ROBO2: variants seen among roughly 807,000 people sequenced by gnomAD.
ROBO2 encodes the protein roundabout homolog 2.
A neutral mutation model predicts 160.8 loss-of-function variants in ROBO2; 53 were observed. The ratio of observed to expected loss-of-function variants is 0.33; its 90% CI spans 0.26 to 0.41. ROBO2 has a LOEUF of 0.41. ROBO2 is among the 10% of genes least tolerant of loss of function. The pLI is 1.00. For missense variants in ROBO2, 1,577 were observed against 1,722.4 expected (o/e 0.92, Z 1.49); for synonymous variants, 664 against 611.7 (o/e 1.09, Z -1.26).
exon 4 of ROBO2, chr3:77,481,150 A>T: frequency 6.2e-7 from 1 of 1,611,626 alleles, no homozygotes; most frequent in Non-Finnish European, 8.5e-7. Context: ...TGATGCAGGG[A>T]TGTATACTTG....
chr3:76,600,251 C>A (rs537767406), intron 2 of ROBO2, among the ~76,000 whole-genome samples: 1 of 152,250 alleles, frequency 6.6e-6, no homozygotes, highest in Non-Finnish European at 1.5e-5. Flanking sequence ...CAGTTTCAAT[C>A]TTCTGCATAT....
At chr3:76,772,392 A>G (rs2061960793) in intron 2 of ROBO2, among the ~76,000 whole-genome samples, 2 of 150,278 alleles carry the variant, frequency 1.3e-5, no homozygotes, top group Admixed American at 1.3e-4. Flanking sequence ...ATAAATATAT[A>G]TGCATCTATG....
At chr3:76,621,065 G>C (rs916457573) in intron 2 of ROBO2, among the ~76,000 whole-genome samples, 1 of 151,364 alleles carries the variant, frequency 6.6e-6, no homozygotes, top group Non-Finnish European at 1.5e-5. Context: ...ACATACAAAA[G>C]TTTTAATACT....
chr3:76,867,041 T>C (rs1343116444), intron 2 of ROBO2, among the ~76,000 whole-genome samples: 2 of 152,158 alleles, frequency 1.3e-5, no homozygotes, highest in Non-Finnish European at 2.9e-5. Context: ...CTCAAAAGCA[T>C]GACCACAACT....
intron 2 of ROBO2, among the ~76,000 whole-genome samples, chr3:76,864,707 A>T (rs2071171576): frequency 6.6e-6 from 1 of 152,098 alleles, no homozygotes; most frequent in Non-Finnish European, 1.5e-5. Flanking sequence ...TAAATTTGAC[A>T]TCCGCAGGCA....
chr3:77,267,272 C>T (rs767138627), intron 2 of ROBO2, among the ~76,000 whole-genome samples: 6 of 152,064 alleles, frequency 3.9e-5, no homozygotes, highest in Admixed American at 2.0e-4. Context: ...TGTTTTATTG[C>T]GGACAGCCTT....
At chr3:76,786,797 T>G (rs1363616230) in intron 2 of ROBO2, among the ~76,000 whole-genome samples, 2 of 151,328 alleles carry the variant, frequency 1.3e-5, no homozygotes, top group African/African-American at 4.8e-5. Context: ...ATGTAGCTCT[T>G]AAAAGAGCTA....
intron 2 of ROBO2, among the ~76,000 whole-genome samples, chr3:77,187,210 T>C (rs1290521210): frequency 2.0e-5 from 3 of 152,010 alleles, no homozygotes; most frequent in African/African-American, 7.2e-5. Flanking sequence ...TATGAAATTA[T>C]TATTAGATCC....
intron 5 of ROBO2, among the ~76,000 whole-genome samples, chr3:77,504,872 T>G (rs2088240044): frequency 6.6e-6 from 1 of 152,186 alleles, no homozygotes; most frequent in Admixed American, 6.5e-5. Context: ...AAATAAAAGA[T>G]AGTCTATTCC....
At chr3:76,676,937 C>T (rs1276945911) in intron 2 of ROBO2, among the ~76,000 whole-genome samples, 1 of 152,028 alleles carries the variant, frequency 6.6e-6, no homozygotes, top group African/African-American at 2.4e-5. Context: ...ACATAGAACC[C>T]CCTCCAGGCT....
At chr3:76,882,148 G>A (rs575012284) in intron 2 of ROBO2, among the ~76,000 whole-genome samples, 161 of 151,462 alleles carry the variant, frequency 1.1e-3, no homozygotes, top group African/African-American at 3.8e-3. Flanking sequence ...AGGTTGGTTG[G>A]GGGGGTGTGT....
At chr3:76,558,207 A>G (rs2083929976) in intron 2 of ROBO2, among the ~76,000 whole-genome samples, 1 of 152,090 alleles carries the variant, frequency 6.6e-6, no homozygotes, top group Non-Finnish European at 1.5e-5. Flanking sequence ...AAAATGATAA[A>G]TAGTTAATAG....
intron 2 of ROBO2, among the ~76,000 whole-genome samples, chr3:76,642,671 G>A (rs2090756309): frequency 6.6e-6 from 1 of 151,906 alleles, no homozygotes; most frequent in South Asian, 2.1e-4. Context: ...TCTTAATTGT[G>A]TTTTGACATG....
At position 77,169,209 on chromosome 3, in the gene ROBO2, A is replaced by G. The variant is rs560876771; in HGVS notation, c.388+70869A>G. 1.2e-4 allele frequency among the ~76,000 whole-genome samples: 18 copies of G among 152,342 alleles called. No homozygotes were observed. The East Asian group carries it at 3.5e-3, about 29-fold the overall frequency. On this transcript the variant is annotated intron_variant, in intron 2 of 25. Coordinates refer to ENST00000461745, the Ensembl canonical transcript of ROBO2. Reference sequence around the variant, plus strand: ...TATGAACAAGTCAATAGGCTGTTACAGATAAAGTGATTATTTAACATTGTG... The same window carrying G: ...TATGAACAAGTCAATAGGCTGTTACGGATAAAGTGATTATTTAACATTGTG...
chr3:77,117,839 G>A lies in ROBO2; in HGVS notation c.388+19499G>A, dbSNP rs772639085. Among the ~76,000 whole-genome samples the A allele has an allele frequency of 2.0e-5, 3 of 152,168 alleles. 1 individual carries two copies. The highest frequency in any genetic ancestry group is 4.8e-5 in the African/African-American group (2 of 41,520). On this transcript the variant is annotated intron_variant, in intron 2 of 25. Transcript: ENST00000461745. ...ATGAGCCTACATTTAATATTTATGT[G>A]TGCTGTCATAAAAATATTTTTGAAG...
At chr3:76,494,309 G>C (rs918287092) in intron 2 of ROBO2, among the ~76,000 whole-genome samples, 4 of 152,188 alleles carry the variant, frequency 2.6e-5, no homozygotes, top group African/African-American at 9.7e-5. Context: ...ACATACGACA[G>C]ATTAAGAGGA....
chr3:76,233,004 CCTT>C (rs1316202824), intron 2 of ROBO2, among the ~76,000 whole-genome samples: 3 of 152,138 alleles, frequency 2.0e-5, no homozygotes, highest in East Asian at 1.9e-4. Context: ...TCTTTCTAAA[CCTT>C]CTTGAAAATT....
At chr3:76,716,356 GTATATCT>G (rs2093379019) in intron 2 of ROBO2, among the ~76,000 whole-genome samples, 1 of 152,112 alleles carries the variant, frequency 6.6e-6, no homozygotes, top group Admixed American at 6.6e-5. Context: ...AAGAAAAAAT[GTATATCT>G]TACGTTTTCT....
chr3:77,596,975 T>G (rs1384008869), intron 19 of ROBO2, among the ~76,000 whole-genome samples: 1 of 152,068 alleles, frequency 6.6e-6, no homozygotes, highest in Non-Finnish European at 1.5e-5. Flanking sequence ...AGGAAGCTAT[T>G]ACTAACCAAG....
Sources: gnomAD v4.1 joint callset for allele counts (sites outside exome capture counted in the v4.1 genomes callset) on GRCh38, gnomAD v4.1.1 for gene constraint, MANE v1.5 for transcripts, NCBI Gene and HGNC (gene_info 2026-07-23, HGNC 2026-07-21) for gene names.